Variants in MAMDC2 observed in about 807,000 individuals in gnomAD.
The protein encoded by MAMDC2 is MAM domain containing 2.
Under a neutral mutation model 89.8 loss-of-function variants are expected in MAMDC2, and 57 were observed. The observed-to-expected ratio is 0.63, with a 90% confidence interval of 0.51 to 0.79. The LOEUF (loss-of-function observed/expected upper bound fraction) is 0.79, where lower values mean the gene tolerates loss of function less well. Ranked by LOEUF, MAMDC2 falls within the 30% of genes least tolerant of loss-of-function variation. MAMDC2 has a pLI of 0.00. For synonymous variants in MAMDC2, 313 were observed against 293.4 expected, an observed-to-expected ratio of 1.07 and a Z score of -0.68; for missense variants, 800 against 820.6, an observed-to-expected ratio of 0.97 and a Z score of 0.31.
chr9:70,182,948 C>T (rs1020603588), intron 11 of MAMDC2, among the ~76,000 whole-genome samples: 1 of 152,100 alleles, frequency 6.6e-6, no homozygotes, highest in African/African-American at 2.4e-5. Context: ...GTTAGGGTGT[C>T]GATTTTAGAT....
At chr9:70,179,351 A>AC (rs1234288525) in intron 11 of MAMDC2, among the ~76,000 whole-genome samples, 1 of 50,350 alleles carries the variant, frequency 2.0e-5, no homozygotes, top group Admixed American at 2.9e-4. Context: ...TCTCTACTAA[A>AC]AACACACACA....
intron 2 of MAMDC2, among the ~76,000 whole-genome samples, chr9:70,059,624 A>G (rs189816607): frequency 6.6e-6 from 1 of 152,296 alleles, no homozygotes; most frequent in Admixed American, 6.5e-5. Context: ...CACAGTTCAA[A>G]GACAGTTTCA....
At chr9:70,205,405 CT>C (rs1242962533) in intron 11 of MAMDC2, among the ~76,000 whole-genome samples, 2 of 152,180 alleles carry the variant, frequency 1.3e-5, no homozygotes, top group Non-Finnish European at 2.9e-5. Flanking sequence ...TACAATTGTT[CT>C]TCACAAAATA....
chr9:70,065,670 A>AATGC (rs1329849249), intron 2 of MAMDC2, among the ~76,000 whole-genome samples: 1 of 152,054 alleles, frequency 6.6e-6, no homozygotes, highest in African/African-American at 2.4e-5. Flanking sequence ...ATTTTGATAG[A>AATGC]AAACGTGTAC....
intron 2 of MAMDC2, among the ~76,000 whole-genome samples, chr9:70,049,583 G>T (rs1437332779): frequency 1.3e-5 from 2 of 152,170 alleles, no homozygotes; most frequent in Non-Finnish European, 2.9e-5. Context: ...ATGCTCATCT[G>T]CATGGGGCTA....
At chr9:70,129,880 G>C (rs1204090860) in intron 6 of MAMDC2, among the ~76,000 whole-genome samples, 1 of 152,168 alleles carries the variant, frequency 6.6e-6, no homozygotes, top group Non-Finnish European at 1.5e-5. Flanking sequence ...GGTGCTGGCA[G>C]GGCTTGTTCC....
intron 11 of MAMDC2, among the ~76,000 whole-genome samples, chr9:70,204,931 ACCCACTGGCCTGCC>A (rs1444318497): frequency 6.6e-6 from 1 of 152,018 alleles, no homozygotes; most frequent in African/African-American, 2.4e-5. Context: ...TGGTGCGCAC[ACCCACTGGCCTGCC>A]CCCACTGTCT....
chr9:70,214,087 GA>G (rs1271968497), intron 11 of MAMDC2, among the ~76,000 whole-genome samples: 1 of 151,574 alleles, frequency 6.6e-6, no homozygotes, highest in Non-Finnish European at 1.5e-5. Flanking sequence ...AACTAAACAA[GA>G]AAAAAAATCT....
At position 70,123,034 on chromosome 9, in the gene MAMDC2, G is replaced by A. The variant is rs570584001; in HGVS notation, c.644-3125G>A. Among the ~76,000 whole-genome samples, 111 of 152,242 alleles carry A rather than the reference G, an allele frequency of 7.3e-4. 1 individual carries two copies. Among genetic ancestry groups the A allele is most frequent in the African/African-American group, 2.6e-3 (109 of 41,538 alleles). ...GGTGGCTGGAGACCCAGTCAATGAT[G>A]GTTCCTTCAGCAAGTTCTCTTAAAG... On this transcript the variant is annotated intron_variant, in intron 5 of 13. Coordinates refer to ENST00000377182, the MANE Select transcript of MAMDC2 (RefSeq NM_153267.5).
intron 10 of MAMDC2, 72 bp from the exon 11 acceptor site, chr9:70,170,407 A>C (rs1188811922): frequency 8.6e-6 from 13 of 1,503,296 alleles, no homozygotes; most frequent in Middle Eastern, 5.0e-4. Flanking sequence ...TCATACATGC[A>C]GAGTGGGCTG....
intron 7 of MAMDC2, among the ~76,000 whole-genome samples, chr9:70,136,285 A>G (rs2031006995): frequency 6.6e-6 from 1 of 152,182 alleles, no homozygotes; most frequent in Non-Finnish European, 1.5e-5. Context: ...AGTTGGAATC[A>G]TAGAGTATGT....
At chr9:70,199,928 T>C (rs2033063722) in intron 11 of MAMDC2, among the ~76,000 whole-genome samples, 1 of 152,144 alleles carries the variant, frequency 6.6e-6, no homozygotes, top group Non-Finnish European at 1.5e-5. Context: ...TTTGTTTGAG[T>C]TCATTGTAGA....
At chr9:70,090,350 G>A (rs1025675099) in intron 2 of MAMDC2, among the ~76,000 whole-genome samples, 2 of 151,908 alleles carry the variant, frequency 1.3e-5, no homozygotes, top group African/African-American at 4.8e-5. Context: ...CTGGTGTGGT[G>A]GCTCATGCCT....
chr9:70,161,039 C>A (rs1287871018), intron 9 of MAMDC2, among the ~76,000 whole-genome samples: 2 of 152,080 alleles, frequency 1.3e-5, no homozygotes, highest in African/African-American at 4.8e-5. Context: ...ATGTTTCATA[C>A]CCGAGTCTGC....
chr9:70,118,329 C>CACACACACACAG (rs1351931345), intron 5 of MAMDC2, among the ~76,000 whole-genome samples: 1 of 70,142 alleles, frequency 1.4e-5, no homozygotes, highest in East Asian at 3.7e-4. Context: ...CACACACACA[C>CACACACACACAG]ACACACACAC....
Position 70,068,204 on chromosome 9 carries a change from G to T in MAMDC2, c.148+23507G>T, listed in dbSNP as rs150517061. Among the ~76,000 whole-genome samples, 140 of 152,246 alleles carry T rather than the reference G, an allele frequency of 9.2e-4. 1 individual carries two copies. The East Asian group carries it at 0.015, about 17-fold the overall frequency. On this transcript the variant is annotated intron_variant, in intron 2 of 13. Coordinates refer to ENST00000377182, the MANE Select transcript of MAMDC2 (RefSeq NM_153267.5). ...TTATTTTGGTTAGCTTGTGAAATAGGCAAAGGGCTATTTTATGAGTATTCT... is the reference window on the plus strand; with the variant it reads ...TTATTTTGGTTAGCTTGTGAAATAGTCAAAGGGCTATTTTATGAGTATTCT...
intron 9 of MAMDC2, chr9:70,157,389 G>T (rs544957232): frequency 6.6e-6 from 1 of 152,256 alleles, no homozygotes; most frequent in African/African-American, 2.4e-5. Context: ...CATTAATAAA[G>T]ACTCTCTAAT....
At position 70,143,711 on chromosome 9, in the gene MAMDC2, C is replaced by A. The variant is rs554064814; in HGVS notation, c.1296C>A (p.Ile432=). ...TGAGTGACACCCTAGCAGTTTACATCTTTGAAGAGAACCATGTGGTTCAAG... is the reference window on the plus strand; with the variant it reads ...TGAGTGACACCCTAGCAGTTTACATATTTGAAGAGAACCATGTGGTTCAAG... The part of the protein sequence containing the change: ...LKMSDTLAVY[I]FEENHVVQEK... Residue 432 remains isoleucine, a synonymous_variant, in exon 9 of 14, where the codon ATC becomes ATA. Coordinates refer to ENST00000377182, the MANE Select transcript of MAMDC2 (RefSeq NM_153267.5). The A allele has an allele frequency of 7.4e-6, 12 of 1,614,028 alleles. 1 individual carries two copies. In the South Asian group the frequency reaches 1.3e-4, roughly 18 times the overall value.
chr9:70,119,199 A>C (rs1439607178), intron 5 of MAMDC2, among the ~76,000 whole-genome samples: 2 of 152,006 alleles, frequency 1.3e-5, no homozygotes, highest in African/African-American at 4.8e-5. Flanking sequence ...AAAAAAAAAA[A>C]AGATGATTGC....
Sources: allele counts gnomAD v4.1 joint callset (sites outside exome capture counted in the v4.1 genomes callset), GRCh38; gene constraint gnomAD v4.1.1; transcripts MANE v1.5; gene names NCBI Gene and HGNC (gene_info 2026-07-23, HGNC 2026-07-21).